The following SGCA variants were observed in gnomAD, a reference collection of about 807,000 sequenced individuals.
SGCA encodes the protein alpha-sarcoglycan.
A neutral mutation model predicts 38.1 loss-of-function variants in SGCA; 34 were observed. The observed-to-expected ratio is 0.89, with a 90% CI of 0.68 to 1.19. SGCA has a LOEUF of 1.19. Ranked by LOEUF, SGCA falls within the 50% of genes most tolerant of loss-of-function variation. The pLI is 0.00. For missense variants in SGCA, 476 were observed against 524.9 expected, an observed-to-expected ratio of 0.91 and a Z score of 0.91; for synonymous variants, 209 against 214.6, an observed-to-expected ratio of 0.97 and a Z score of 0.23.
Position 50,167,474 on chromosome 17 carries a change from T to C in SGCA, c.144T>C (p.Leu48=). ...HTLDHETFLS[L]PEHVAVPPAV... is the part of the protein sequence containing the mutation. ...TGGACCATGAGACGTTTCTGAGCCT[T>C]CCTGAGCATGTCGGTGAGCGGCCTG... Residue 48 remains leucine (L), a synonymous_variant, in exon 2 of 10, where the codon CTT becomes CTC. Transcript: ENST00000262018. This position sits in a 1 kb window ranked among gnomAD's most constrained non-coding sequence, Gnocchi z 4.5. 1.2e-6 allele frequency: 2 copies of C among 1,614,114 alleles called. No homozygotes were observed. Among genetic ancestry groups the C allele is most frequent in the Non-Finnish European group, 1.7e-6 (2 of 1,179,992 alleles).
chr17:50,167,294 G>T lies in SGCA; in HGVS notation c.38-74G>T, dbSNP rs761406879. The T allele has an allele frequency of 6.8e-5, 109 of 1,605,030 alleles. No homozygotes were observed. Among genetic ancestry groups the T allele is most frequent in the Non-Finnish European group, 9.1e-5 (107 of 1,174,518 alleles). On this transcript the variant is annotated intron_variant, in intron 1 of 9. Transcript: ENST00000262018. The surrounding 1 kb of genome is among the most constrained non-coding windows in gnomAD (Gnocchi z 4.5). ...GTCCCTTAGGGGCTCCAAGGACTTG[G>T]TGGGGAAGGGAGCTTATCCCCTGCC... is the stretch of plus-strand genomic sequence containing the variant.
chr17:50,166,910 AC>A (rs143508328), intron 1 of SGCA, among the ~76,000 whole-genome samples: 903 of 20,242 alleles, frequency 0.045, 51 homozygotes, highest in African/African-American at 0.1. Flanking sequence ...GCAAACACAC[AC>A]CCCCCACACA....
chr17:50,172,449 ATG>A, intron 8 of SGCA: 1 of 362,458 alleles, frequency 2.8e-6, no homozygotes, highest in East Asian at 7.5e-5. Flanking sequence ...GCACATATGC[ATG>A]TGTGTGTGCA....
chr17:50,175,089 G>A (rs543425025), intron 8 of SGCA, 168 bp from the exon 9 acceptor site: 5 of 721,448 alleles, frequency 6.9e-6, no homozygotes, highest in Non-Finnish European at 1.2e-5. Context: ...GAGCCACCAC[G>A]CCCGGCCCCA....
intron 6 of SGCA, 125 bp from the exon 7 acceptor site, chr17:50,170,018 G>C (rs533019924): frequency 2.7e-5 from 21 of 788,822 alleles, no homozygotes; most frequent in Non-Finnish European, 4.1e-5. Context: ...GCGCTAACCA[G>C]TGCACTGTCC....
rs2144496890 is a variant in SGCA, at chr17:50,168,504, G to C, written c.516G>C (p.Leu172=). ...GGLWEPGELQ[L]LNVTSALDRG... is the part of the protein sequence containing the mutation. ...TCTGGGAGCCCGGAGAGCTTCAGCT[G>C]CTCAACGTCACCTCTGCCTTGGACC... Residue 172 remains leucine (L), a synonymous_variant, in exon 5 of 10, where the codon CTG becomes CTC. Transcript: ENST00000262018. 1 of 1,579,604 alleles carries C rather than the reference G, an allele frequency of 6.3e-7. No individual in the cohort carries two copies. Among genetic ancestry groups the C allele is most frequent in the South Asian group, 1.2e-5 (1 of 86,212 alleles).
intron 1 of SGCA, among the ~76,000 whole-genome samples, chr17:50,166,596 C>A (rs1368448278): frequency 2.0e-5 from 3 of 151,898 alleles, no homozygotes; most frequent in Non-Finnish European, 4.4e-5. Flanking sequence ...CCGTCTTCCT[C>A]TCCTCTGGGC....
chr17:50,175,136 T>C, intron 8 of SGCA, 121 bp from the exon 9 acceptor site: 1 of 907,548 alleles, frequency 1.1e-6, no homozygotes, highest in Non-Finnish European at 1.7e-6. Flanking sequence ...CTGCATCATG[T>C]GTCTGAGTCT....
At chr17:50,170,908 T>A (rs1905333441) in intron 8 of SGCA, among the ~76,000 whole-genome samples, 1 of 146,836 alleles carries the variant, frequency 6.8e-6, no homozygotes, top group African/African-American at 2.7e-5. Flanking sequence ...AAAAAAAAAT[T>A]TTTTAACTAG....
intron 8 of SGCA, chr17:50,172,133 G>A (rs1047299764): frequency 2.2e-6 from 1 of 456,538 alleles, no homozygotes; most frequent in Non-Finnish European, 4.4e-6. Context: ...CCCGGTTCCT[G>A]GTCCTCGCTG....
rs1205196937 is a variant in SGCA at position 50,167,004 on chromosome 17, C to T, written c.38-364C>T. ...ACACCCTCACACACATCCTCACAGA[C>T]CCTCACACATACCTTCACACACACA... is the stretch of plus-strand genomic sequence containing the variant. On this transcript the variant is annotated intron_variant, in intron 1 of 9. Coordinates refer to ENST00000262018, the MANE Select transcript of SGCA (RefSeq NM_000023.4). This position sits in a 1 kb window ranked among gnomAD's most constrained non-coding sequence, Gnocchi z 4.5. Among the ~76,000 whole-genome samples, 1 of 142,510 alleles carries T rather than the reference C, an allele frequency of 7.0e-6. No homozygotes were observed. The allele number at this position is 142,510 out of a possible 152,430, so 93.5% of individuals were successfully genotyped here.
intron 8 of SGCA, chr17:50,171,399 C>T: frequency 2.4e-6 from 1 of 419,434 alleles, no homozygotes; most frequent in Non-Finnish European, 4.8e-6. Context: ...CTCCCAATAC[C>T]CTGAACCCTA....
At chr17:50,166,370 G>A (rs1017146529) in intron 1 of SGCA, among the ~76,000 whole-genome samples, 38 of 152,212 alleles carry the variant, frequency 2.5e-4, no homozygotes, top group South Asian at 6.2e-4. Context: ...TGAGCTGGCT[G>A]GGCCGCAGCT....
intron 7 of SGCA, 94 bp from the exon 8 acceptor site, chr17:50,170,546 T>C: frequency 7.0e-7 from 1 of 1,431,136 alleles, no homozygotes; most frequent in South Asian, 1.2e-5. Flanking sequence ...GCATTGTGGA[T>C]AATTGCACAC....
chr17:50,167,954 C>T lies in SGCA; in HGVS notation c.320C>T (p.Ala107Val), dbSNP rs186669379. The T allele has an allele frequency of 8.1e-5, 130 of 1,614,130 alleles. No homozygotes were observed. In the East Asian group the frequency reaches 2.7e-3, roughly 34 times the overall value. ...DRGLQVIEVT[A>V]YNRDSFDTTR... ...GTCTTTCCCATCCCCCAGGTCACAG[C>T]CTACAATCGGGACAGCTTTGATACC... The change falls in exon 4 of 10, where the codon GCC (alanine) becomes GTC (valine). Residue 107 changes from alanine (A) to valine (V), a missense_variant. Transcript: ENST00000262018. This position sits in a 1 kb window ranked among gnomAD's most constrained non-coding sequence, Gnocchi z 4.5.
intron 1 of SGCA, among the ~76,000 whole-genome samples, chr17:50,166,992 C>T (rs1904935787): frequency 7.0e-6 from 1 of 142,008 alleles, no homozygotes; most frequent in Non-Finnish European, 1.5e-5. Context: ...CCCTCACACA[C>T]ATCCTCACAG....
At chr17:50,171,443 T>A in intron 8 of SGCA, 1 of 452,710 alleles carries the variant, frequency 2.2e-6, no homozygotes, top group South Asian at 1.6e-5. Flanking sequence ...TAAGTTATGT[T>A]CCTTTTATTC....
Position 50,175,411 on chromosome 17 carries a change from G to T in SGCA, c.1138G>T (p.Val380Leu). The T allele has an allele frequency of 6.2e-7, 1 of 1,613,234 alleles. No homozygotes were observed. The highest frequency in any genetic ancestry group is 8.5e-7 in the Non-Finnish European group (1 of 1,180,038). Residue 380 changes from valine (V) to leucine (L), a missense_variant, in exon 9 of 10, where the codon GTG becomes TTG. Physicochemically the swap from Val to Leu is conservative, Grantham distance 32 (BLOSUM62 1). Transcript: ENST00000262018. ...GCCTCCCCGCGTGGACAGCGCCCAG[G>T]TGCCCCTCATTCTGGACCAGCACTG... Reference protein sequence around the residue: ...RLPPRVDSAQVPLILDQH With the variant: ...RLPPRVDSAQLPLILDQH
In SGCA at chr17:50,167,488, G is replaced by A. The variant is rs113109898; in HGVS notation, c.157+1G>A. ...TTTCTGAGCCTTCCTGAGCATGTCG[G>A]TGAGCGGCCTGACAGGCACCCAGGC... On this transcript the variant is annotated splice_donor_variant, in intron 2 of 9. Coordinates refer to ENST00000262018, the MANE Select transcript of SGCA (RefSeq NM_000023.4). LOFTEE classifies it high-confidence loss of function. The surrounding 1 kb of genome is among the most constrained non-coding windows in gnomAD (Gnocchi z 4.5). 14 of 1,614,062 alleles carry A rather than the reference G, an allele frequency of 8.7e-6. No individual in the cohort carries two copies. The highest frequency in any genetic ancestry group is 1.2e-5 in the Non-Finnish European group (14 of 1,180,022).
Sources: allele counts gnomAD v4.1 joint callset (sites outside exome capture counted in the v4.1 genomes callset), GRCh38; gene constraint gnomAD v4.1.1; non-coding constraint Gnocchi (gnomAD v3.1); transcripts MANE v1.5; gene names NCBI Gene and HGNC (gene_info 2026-07-23, HGNC 2026-07-21).